KCNQ5: variants seen among roughly 807,000 people sequenced by gnomAD.
KCNQ5 encodes potassium voltage-gated channel subfamily Q member 5.
In KCNQ5, 30 loss-of-function variants were observed where a neutral mutation model predicts 98.2. The ratio of observed to expected loss-of-function variants is 0.31; its 90% CI spans 0.23 to 0.41. The LOEUF (loss-of-function observed/expected upper bound fraction) is 0.41. Among genes scored for constraint, KCNQ5 ranks in the 10% least tolerant of loss-of-function variants. KCNQ5 has a pLI of 1.00. For synonymous variants in KCNQ5, 458 were observed against 449.4 expected (o/e 1.02, Z -0.24); for missense variants, 835 against 1,182.5 (o/e 0.71, Z 4.31).
At chr6:73,006,222 G>C (rs1223857153) in intron 2 of KCNQ5, among the ~76,000 whole-genome samples, 2 of 152,082 alleles carry the variant, frequency 1.3e-5, no homozygotes, top group African/African-American at 4.8e-5. Context: ...CAGTTACTAT[G>C]ATTTCAAAGT....
Position 73,124,528 on chromosome 6 carries a change from C to T in KCNQ5, c.1247+16C>T, listed in dbSNP as rs779649048. 32 of 1,612,112 alleles carry T rather than the reference C, an allele frequency of 2.0e-5. No homozygotes were observed. In the Admixed American group the frequency reaches 5.3e-4, roughly 27 times the overall value. ...CATCAAGCAGGTTTGTGATTTCTCT[C>T]TTGCTACATGTTTGTTTATAAATCT... On this transcript the variant is annotated intron_variant, in intron 9 of 13. Transcript: ENST00000370398.
Position 73,197,169 on chromosome 6 carries a change from C to T in KCNQ5, c.*1755C>T, listed in dbSNP as rs1765817257. 6.6e-6 allele frequency: 1 copy of T among 152,266 alleles called. No individual in the cohort carries two copies. Among genetic ancestry groups the T allele is most frequent in the Non-Finnish European group, 1.5e-5 (1 of 68,096 alleles). The allele number at this position is 152,266 out of a possible 1,614,324, so 9.4% of individuals were successfully genotyped here. The stretch of plus-strand genomic sequence containing the variant: ...GGCTTTCTCCATCATTGACTCTCCC[C>T]TGCTTTTCTTCTTCATTAACTCCTT... On this transcript the variant is annotated 3_prime_UTR_variant, in exon 14 of 14. Transcript: ENST00000370398.
intron 1 of KCNQ5, among the ~76,000 whole-genome samples, chr6:72,779,074 A>G (rs1773314392): frequency 1.3e-5 from 2 of 152,212 alleles, no homozygotes; most frequent in Admixed American, 6.5e-5. Context: ...GAAAGTGTGG[A>G]TGAAATTGGA....
intron 1 of KCNQ5, among the ~76,000 whole-genome samples, chr6:72,768,221 G>A (rs779471172): frequency 1.8e-4 from 27 of 152,030 alleles, no homozygotes; most frequent in Non-Finnish European, 3.2e-4. Flanking sequence ...GGAACCGTCA[G>A]CTGAAACCTA....
chr6:73,157,926 G>T, intron 10 of KCNQ5: 1 of 774,030 alleles, frequency 1.3e-6, no homozygotes, highest in Non-Finnish European at 2.4e-6. Context: ...CGCTGTCAAA[G>T]ATCACAAAAC....
intron 10 of KCNQ5, among the ~76,000 whole-genome samples, chr6:73,149,438 G>C (rs755341918): frequency 6.6e-6 from 1 of 152,118 alleles, no homozygotes; most frequent in African/African-American, 2.4e-5. Context: ...AGTAAGAGAA[G>C]ATCTTTGGGA....
chr6:72,974,303 C>A (rs1768045208), intron 1 of KCNQ5, among the ~76,000 whole-genome samples: 1 of 151,328 alleles, frequency 6.6e-6, no homozygotes, highest in African/African-American at 2.4e-5. Context: ...ACTATCTGGT[C>A]ATTTACAGAA....
Position 72,965,255 on chromosome 6 carries a change from T to C in KCNQ5, c.399-38653T>C, listed in dbSNP as rs186369025. Among the ~76,000 whole-genome samples the C allele has an allele frequency of 7.2e-5, 11 of 152,304 alleles. No homozygotes were observed. The East Asian group carries it at 2.1e-3, about 29-fold the overall frequency. On this transcript the variant is annotated intron_variant, in intron 1 of 13. Transcript: ENST00000370398. Reference sequence around the variant, plus strand: ...AGCTTCTTTCAGGCATGAGTTACAGTGCTCTTGGCTGTGAGTTCAACATTA... The same window carrying C: ...AGCTTCTTTCAGGCATGAGTTACAGCGCTCTTGGCTGTGAGTTCAACATTA...
intron 2 of KCNQ5, among the ~76,000 whole-genome samples, chr6:73,040,824 A>T (rs1771654997): frequency 2.6e-5 from 4 of 152,228 alleles, no homozygotes. Context: ...GAAATTTGCA[A>T]CAAAAATGCC....
At chr6:72,940,556 G>GCTGT (rs949151238) in intron 1 of KCNQ5, among the ~76,000 whole-genome samples, 1 of 152,174 alleles carries the variant, frequency 6.6e-6, no homozygotes, top group African/African-American at 2.4e-5. Context: ...GATGCTACCA[G>GCTGT]CTGTCAGTCA....
intron 1 of KCNQ5, among the ~76,000 whole-genome samples, chr6:72,952,295 T>C (rs1012112991): frequency 6.6e-6 from 1 of 152,244 alleles, no homozygotes; most frequent in African/African-American, 2.4e-5. Flanking sequence ...TCCCTTTCAT[T>C]TGTGCTAACA....
intron 10 of KCNQ5, among the ~76,000 whole-genome samples, chr6:73,167,370 C>T (rs1777844238): frequency 6.6e-6 from 1 of 152,148 alleles, no homozygotes; most frequent in Admixed American, 6.5e-5. Context: ...ACAATTTAAC[C>T]CCAAACTCGT....
intron 9 of KCNQ5, among the ~76,000 whole-genome samples, chr6:73,126,226 C>A (rs1346140348): frequency 1.3e-5 from 2 of 152,304 alleles, no homozygotes; most frequent in African/African-American, 4.8e-5. Flanking sequence ...ATCTTTGGCA[C>A]AAATTCCAGA....
At chr6:72,854,421 A>G (rs948045990) in intron 1 of KCNQ5, among the ~76,000 whole-genome samples, 1 of 129,360 alleles carries the variant, frequency 7.7e-6, no homozygotes, top group Admixed American at 7.4e-5. Flanking sequence ...CAGATTATGT[A>G]GCTTTATTAG....
At chr6:73,077,250 T>G (rs1357802549) in intron 3 of KCNQ5, 72 bp from the exon 4 acceptor site, 1 of 1,439,046 alleles carries the variant, frequency 6.9e-7, no homozygotes, top group African/African-American at 1.4e-5. Context: ...GTGAACCTTT[T>G]GGAAATATTG....
At chr6:72,983,019 T>G (rs938559387) in intron 1 of KCNQ5, among the ~76,000 whole-genome samples, 1 of 152,224 alleles carries the variant, frequency 6.6e-6, no homozygotes, top group Non-Finnish European at 1.5e-5. Context: ...TCTGGCTTGT[T>G]GAGTTTCTGC....
rs535496441 is a variant in KCNQ5 at position 72,634,592 on chromosome 6, G to T, written c.398+12005G>T. Among the ~76,000 whole-genome samples, 3 of 152,276 alleles carry T rather than the reference G, an allele frequency of 2.0e-5. 1 individual carries two copies. The highest frequency in any genetic ancestry group is 2.0e-4 in the Admixed American group (3 of 15,302). On this transcript the variant is annotated intron_variant, in intron 1 of 13. Transcript: ENST00000370398. Reference sequence around the variant, plus strand: ...TTTGTTTGTTTGTTTTAGAGACAGAGAGTCACTCTGTTGCCCAGGCTGGAG... The same window carrying T: ...TTTGTTTGTTTGTTTTAGAGACAGATAGTCACTCTGTTGCCCAGGCTGGAG...
intron 1 of KCNQ5, among the ~76,000 whole-genome samples, chr6:72,914,008 G>A (rs781497208): frequency 1.6e-4 from 24 of 152,182 alleles, no homozygotes; most frequent in Non-Finnish European, 2.8e-4. Context: ...CTTTCCTCCA[G>A]GTGTAGGGAG....
At chr6:72,940,983 G>GA (rs1032769377) in intron 1 of KCNQ5, among the ~76,000 whole-genome samples, 106 of 151,690 alleles carry the variant, frequency 7.0e-4, no homozygotes, top group African/African-American at 2.3e-3. Context: ...TTAGATGACT[G>GA]AAAAAAAATA....
Sources: allele counts gnomAD v4.1 joint callset (sites outside exome capture counted in the v4.1 genomes callset), GRCh38; gene constraint gnomAD v4.1.1; transcripts MANE v1.5; gene names NCBI Gene and HGNC (gene_info 2026-07-23, HGNC 2026-07-21).